Variants in M1AP observed in about 807,000 individuals in gnomAD.
The protein encoded by M1AP is meiosis 1 associated protein, also known as meiosis 1 arrest protein.
Under a neutral mutation model 51.2 loss-of-function variants are expected in M1AP, and 39 were observed. The ratio of observed to expected loss-of-function variants is 0.76; its 90% confidence interval spans 0.59 to 1.00. The LOEUF (loss-of-function observed/expected upper bound fraction) is 1.00. Among genes scored for constraint, M1AP ranks in the 50% least tolerant of loss-of-function variants. The pLI is 0.00. For missense variants in M1AP, 545 were observed against 641.2 expected, an observed-to-expected ratio of 0.85 and a Z score of 1.62; for synonymous variants, 251 against 249.2, an observed-to-expected ratio of 1.01 and a Z score of -0.07.
At chr2:74,560,036 G>C (rs1181596057) in intron 9 of M1AP, 115 bp downstream of exon 9, 3 of 1,182,888 alleles carry the variant, frequency 2.5e-6, no homozygotes, top group East Asian at 2.5e-5. Context: ...CTGGAGGAAG[G>C]CTACTCCCTT....
chr2:74,620,713 G>T (rs189621239), intron 2 of M1AP: 4 of 216,040 alleles, frequency 1.9e-5, no homozygotes, highest in Non-Finnish European at 9.9e-6. Context: ...GCTCATGAGG[G>T]AAGTACAGAG....
At chr2:74,579,287 C>G (rs970616663) in intron 5 of M1AP, among the ~76,000 whole-genome samples, 2 of 152,156 alleles carry the variant, frequency 1.3e-5, no homozygotes, top group Non-Finnish European at 2.9e-5. Flanking sequence ...TCTGAGGGCA[C>G]CAGCCCTCCT....
rs1275919375 is a variant in M1AP, at chr2:74,599,794, G to A, written c.595+7261C>T. Among the ~76,000 whole-genome samples the A allele has an allele frequency of 2.0e-5, 3 of 150,496 alleles. No individual in the cohort carries two copies. The East Asian group carries it at 5.8e-4, about 29-fold the overall frequency. On this transcript the variant is annotated intron_variant, in intron 4 of 10. Coordinates refer to ENST00000421985, the MANE Select transcript of M1AP (RefSeq NM_001321739.2). ...TACACACACACAGACACACACACACGAATCAGCTTGTCAAGTTCATCTAAA... is the reference window on the plus strand; with the variant it reads ...TACACACACACAGACACACACACACAAATCAGCTTGTCAAGTTCATCTAAA...
chr2:74,596,000 G>C (rs1278459732), intron 4 of M1AP, among the ~76,000 whole-genome samples: 1 of 152,032 alleles, frequency 6.6e-6, no homozygotes, highest in Non-Finnish European at 1.5e-5. Context: ...AATGACAATA[G>C]ATAAATTAAC....
chr2:74,561,684 C>T (rs79103190), intron 8 of M1AP, among the ~76,000 whole-genome samples: 2,198 of 152,226 alleles, frequency 0.014, 60 homozygotes, highest in African/African-American at 0.05. Context: ...TCTAACTTCA[C>T]AATCTCCTCT....
intron 4 of M1AP, among the ~76,000 whole-genome samples, chr2:74,590,188 T>C (rs1334636243): frequency 6.6e-6 from 1 of 152,200 alleles, no homozygotes; most frequent in Non-Finnish European, 1.5e-5. Flanking sequence ...TTTTGGAGGC[T>C]GGGAAGTCCA....
chr2:74,590,802 G>A (rs1679998476), intron 4 of M1AP, among the ~76,000 whole-genome samples: 1 of 152,128 alleles, frequency 6.6e-6, no homozygotes, highest in African/African-American at 2.4e-5. Context: ...GGAGAGAAGG[G>A]CCCTGGTTAA....
intron 2 of M1AP, among the ~76,000 whole-genome samples, chr2:74,620,318 C>A (rs1319850629): frequency 6.6e-6 from 1 of 152,162 alleles, no homozygotes; most frequent in Non-Finnish European, 1.5e-5. Context: ...ATGAGAGGAA[C>A]AAAGGGAATA....
intron 1 of M1AP, among the ~76,000 whole-genome samples, chr2:74,644,782 A>T (rs1414914826): frequency 6.6e-6 from 1 of 152,172 alleles, no homozygotes; most frequent in Non-Finnish European, 1.5e-5. Flanking sequence ...CCAAGAAAGC[A>T]CATAACATAT....
intron 4 of M1AP, among the ~76,000 whole-genome samples, chr2:74,584,461 A>G (rs962218532): frequency 5.9e-5 from 9 of 151,414 alleles, no homozygotes; most frequent in Non-Finnish European, 1.2e-4. Flanking sequence ...AAAAAAAAAA[A>G]AAAAGAAAAA....
chr2:74,598,554 CCATT>C (rs1279316907), intron 4 of M1AP, among the ~76,000 whole-genome samples: 1 of 151,288 alleles, frequency 6.6e-6, no homozygotes, highest in African/African-American at 2.4e-5. Context: ...CAGCTGTGGA[CCATT>C]CATTTTCAAA....
intron 1 of M1AP, among the ~76,000 whole-genome samples, 197 bp from the exon 2 acceptor site, chr2:74,640,524 G>C (rs1291652846): frequency 6.7e-6 from 1 of 149,616 alleles, no homozygotes. Context: ...GCAGTGGTGC[G>C]ATCTTGGCTC....
At chr2:74,577,011 G>A in intron 5 of M1AP, 1 of 598,536 alleles carries the variant, frequency 1.7e-6, no homozygotes, top group Non-Finnish European at 2.1e-6. Context: ...AGGCCCTTTG[G>A]CAATCACAGA....
At chr2:74,611,882 GTTTT>G (rs1188013311) in intron 3 of M1AP, among the ~76,000 whole-genome samples, 31 of 42,902 alleles carry the variant, frequency 7.2e-4, no homozygotes, top group Non-Finnish European at 1.1e-3. Context: ...ACAAAAAAGT[GTTTT>G]TTTTTTTTTT....
At position 74,558,587 on chromosome 2, in the gene M1AP, T is replaced by G; in HGVS notation, c.*129A>C. ...CACTGAAACAGGACAGGAAGGCTGT[T>G]GTTTCCCAGTCAGCCCTCACTCACA... On this transcript the variant is annotated 3_prime_UTR_variant, in exon 11 of 11. Transcript: ENST00000421985. The G allele has an allele frequency of 9.3e-7, 1 of 1,078,168 alleles. No individual in the cohort carries two copies. The highest frequency in any genetic ancestry group is 1.3e-6 in the Non-Finnish European group (1 of 740,950). 66.8% of individuals were successfully genotyped at this position (1,078,168 alleles called of 1,614,324 possible).
chr2:74,623,706 C>G (rs1056898700), intron 2 of M1AP, among the ~76,000 whole-genome samples: 1 of 152,142 alleles, frequency 6.6e-6, no homozygotes, highest in African/African-American at 2.4e-5. Flanking sequence ...GGGTCTCGCT[C>G]TGTCACCCAG....
rs1677637054 is a variant in M1AP, at chr2:74,558,142, T to G, written c.*574A>C. 6.5e-6 allele frequency: 1 copy of G among 152,858 alleles called. No homozygotes were observed. Among genetic ancestry groups the G allele is most frequent in the African/African-American group, 2.4e-5 (1 of 41,424 alleles). The allele number at this position is 152,858 out of a possible 1,614,324, so 9.5% of individuals were successfully genotyped here. ...GTAACAGGAAAGGAGTAGGTCTTTT[T>G]TTACACCATCCTCTCCCCTGTTCTG... On this transcript the variant is annotated 3_prime_UTR_variant, in exon 11 of 11. Transcript: ENST00000421985.
chr2:74,562,320 AG>A lies in M1AP; in HGVS notation c.1177del (p.Leu393SerfsTer5). The A allele has an allele frequency of 6.2e-7, 1 of 1,614,218 alleles. No homozygotes were observed. The highest frequency in any genetic ancestry group is 8.5e-7 in the Non-Finnish European group (1 of 1,180,028). On this transcript the variant is annotated frameshift_variant, in exon 8 of 11. Transcript: ENST00000421985. LOFTEE classifies it high-confidence loss of function. ...TFYVIMPSHS[L>X]TLLVKAVATR... ...GGCCACCGCCTTTACCAGCAGTGTG[AG>A]GGAGTGTGACGGCATGATCACATAG...
At chr2:74,572,818 T>C (rs779673740) in intron 7 of M1AP, among the ~76,000 whole-genome samples, 2 of 152,226 alleles carry the variant, frequency 1.3e-5, no homozygotes, top group Non-Finnish European at 2.9e-5. Flanking sequence ...GGGTATCTAC[T>C]AGTGACAGGT....
Sources: gnomAD v4.1 joint callset for allele counts (sites outside exome capture counted in the v4.1 genomes callset) on GRCh38, gnomAD v4.1.1 for gene constraint, MANE v1.5 for transcripts, NCBI Gene and HGNC (gene_info 2026-07-23, HGNC 2026-07-21) for gene names.